The following CNBD2 variants were observed in gnomAD, a reference collection of about 807,000 sequenced individuals.
CNBD2 encodes cyclic nucleotide-binding domain-containing protein 2.
Under a neutral mutation model 63.7 loss-of-function variants are expected in CNBD2, and 64 were observed. The ratio of observed to expected loss-of-function variants is 1.00; its 90% confidence interval spans 0.82 to 1.24. CNBD2 has a LOEUF of 1.24. Among genes scored for constraint, CNBD2 ranks in the 50% most tolerant of loss-of-function variants. CNBD2 has a pLI of 0.00. For missense variants in CNBD2, 691 were observed against 713.5 expected (o/e 0.97, Z 0.36); for synonymous variants, 229 against 255.4 (o/e 0.90, Z 0.99).
Position 36,004,257 on chromosome 20 carries a change from C to T in CNBD2, c.971-4040C>T, listed in dbSNP as rs1212719822. ...AGGCTGCCTACCACTGGTAGTTTCC[C>T]AATACACATGTGCTGATTAATACTC... On this transcript the variant is annotated intron_variant, in intron 8 of 11. Transcript: ENST00000373973. Among the ~76,000 whole-genome samples the T allele has an allele frequency of 2.0e-5, 3 of 152,122 alleles. No homozygotes were observed. In the East Asian group the frequency reaches 5.8e-4, roughly 29 times the overall value.
intron 5 of CNBD2, 47 bp downstream of exon 5, chr20:35,984,185 G>C: frequency 1.3e-6 from 2 of 1,553,364 alleles, no homozygotes; most frequent in Non-Finnish European, 1.7e-6. Context: ...AGTGGGTGGA[G>C]GTGACAGGAC....
chr20:35,993,359 T>C (rs1351502989), intron 7 of CNBD2, among the ~76,000 whole-genome samples: 1 of 152,212 alleles, frequency 6.6e-6, no homozygotes, highest in Admixed American at 6.5e-5. Context: ...CACAGGTTAC[T>C]TTTGCATGTT....
At chr20:36,003,665 A>G (rs995523070) in intron 8 of CNBD2, among the ~76,000 whole-genome samples, 1 of 152,162 alleles carries the variant, frequency 6.6e-6, no homozygotes, top group Non-Finnish European at 1.5e-5. Context: ...GTAGTATACT[A>G]TGTAACAAAT....
intron 11 of CNBD2, 84 bp downstream of exon 11, chr20:36,023,855 T>A: frequency 8.2e-7 from 1 of 1,218,376 alleles, no homozygotes. Context: ...AGGAAAAATA[T>A]AATACCTGTT....
chr20:35,987,116 G>A (rs1409957822), intron 6 of CNBD2, among the ~76,000 whole-genome samples: 1 of 152,270 alleles, frequency 6.6e-6, no homozygotes, highest in Admixed American at 6.5e-5. Context: ...AGGAGCAGAG[G>A]TGAGAAAAGC....
intron 8 of CNBD2, among the ~76,000 whole-genome samples, chr20:35,996,508 GTTT>G (rs1275063891): frequency 1.5e-5 from 2 of 132,188 alleles, no homozygotes; most frequent in Non-Finnish European, 1.6e-5. Flanking sequence ...CTCTCTTTTT[GTTT>G]TTTTTTTTTT....
intron 7 of CNBD2, among the ~76,000 whole-genome samples, chr20:35,992,966 G>C (rs2056767978): frequency 6.6e-6 from 1 of 152,100 alleles, no homozygotes; most frequent in African/African-American, 2.4e-5. Context: ...CAGAAAGCTA[G>C]AGAAGATTTC....
intron 8 of CNBD2, among the ~76,000 whole-genome samples, chr20:36,001,370 AC>A (rs1174391071): frequency 5.7e-5 from 8 of 140,470 alleles, no homozygotes; most frequent in Non-Finnish European, 7.7e-5. Flanking sequence ...TGGGGGGCTG[AC>A]CCCCCCACCT....
chr20:35,990,012 T>C (rs1186949229), intron 7 of CNBD2, among the ~76,000 whole-genome samples: 2 of 152,164 alleles, frequency 1.3e-5, no homozygotes, highest in Non-Finnish European at 2.9e-5. Context: ...CATCATTTCC[T>C]ACTGATGTTA....
intron 8 of CNBD2, among the ~76,000 whole-genome samples, chr20:36,001,894 A>C (rs1601070829): frequency 7.3e-6 from 1 of 137,262 alleles, no homozygotes; most frequent in Non-Finnish European, 1.5e-5. Context: ...CCGGGCAGAG[A>C]CGCTCCTCAC....
chr20:35,954,397 C>T (rs549558169), upstream of CNBD2: 1 of 1,560,500 alleles, frequency 6.4e-7, no homozygotes, highest in East Asian at 2.4e-5. Context: ...GAGCTCGCGT[C>T]ACCCTTGAGG....
chr20:35,980,914 G>A (rs1309012174), intron 4 of CNBD2, among the ~76,000 whole-genome samples: 1 of 152,210 alleles, frequency 6.6e-6, no homozygotes, highest in Non-Finnish European at 1.5e-5. Flanking sequence ...CTGAGGCTCT[G>A]TGGGGGAAAA....
intron 3 of CNBD2, among the ~76,000 whole-genome samples, chr20:35,976,967 TG>T (rs1265409451): frequency 1.3e-5 from 2 of 152,160 alleles, no homozygotes; most frequent in East Asian, 3.9e-4. Flanking sequence ...TTGCCTCTCC[TG>T]GGCACAGCCT....
downstream of CNBD2, among the ~76,000 whole-genome samples, chr20:35,958,224 A>C (rs1037972414): frequency 3.3e-5 from 5 of 152,138 alleles, no homozygotes; most frequent in African/African-American, 2.4e-5. Context: ...CGAGTTCAGG[A>C]GTTTGAGACC....
intron 2 of CNBD2, 171 bp downstream of exon 2, chr20:35,972,937 C>A: frequency 1.6e-6 from 1 of 640,436 alleles, no homozygotes. Context: ...GGGTGACTTA[C>A]ATCATCAACC....
At chr20:35,984,553 G>C in intron 5 of CNBD2, 74 bp from the exon 6 acceptor site, 1 of 1,503,150 alleles carries the variant, frequency 6.7e-7, no homozygotes, top group Middle Eastern at 2.3e-4. Flanking sequence ...ATGGAGGCAC[G>C]GAAGATGTGT....
chr20:35,971,059 T>C (rs1434295815), intron 1 of CNBD2, among the ~76,000 whole-genome samples: 2 of 150,552 alleles, frequency 1.3e-5, no homozygotes, highest in Non-Finnish European at 3.0e-5. Context: ...GCCATTCTCC[T>C]GCCTCAGCCT....
upstream of CNBD2, among the ~76,000 whole-genome samples, chr20:35,968,189 G>A (rs2063695388): frequency 6.6e-6 from 1 of 152,134 alleles, no homozygotes; most frequent in Admixed American, 6.5e-5. Context: ...CAAATTAAGG[G>A]GCAGGTTAAT....
At chr20:35,964,551 C>T (rs868772966), upstream of CNBD2, among the ~76,000 whole-genome samples, 10 of 141,292 alleles carry the variant, frequency 7.1e-5, no homozygotes, top group African/African-American at 2.6e-4. Context: ...CCACCACGCC[C>T]GGCTATTTTT....
Sources: allele counts gnomAD v4.1 joint callset (sites outside exome capture counted in the v4.1 genomes callset), GRCh38; gene constraint gnomAD v4.1.1; transcripts MANE v1.5; gene names NCBI Gene and HGNC (gene_info 2026-07-23, HGNC 2026-07-21).